USP7: variants seen among roughly 807,000 people sequenced by gnomAD.
USP7 encodes the protein ubiquitin specific peptidase 7, also known as ubiquitin C-terminal hydrolase 7.
A neutral mutation model predicts 162.9 loss-of-function variants in USP7; 9 were observed. The ratio of observed to expected loss-of-function variants is 0.06; its 90% CI spans 0.03 to 0.10. USP7 has a LOEUF of 0.10. Ranked by LOEUF, USP7 falls within the 10% of genes least tolerant of loss-of-function variation. USP7 has a pLI of 1.00. For missense variants in USP7, 715 were observed against 1,373.7 expected, an observed-to-expected ratio of 0.52 and a Z score of 7.58; for synonymous variants, 562 against 475.9, an observed-to-expected ratio of 1.18 and a Z score of -2.35.
At chr16:8,940,649 C>T (rs1454905937) in intron 1 of USP7, among the ~76,000 whole-genome samples, 3 of 152,146 alleles carry the variant, frequency 2.0e-5, no homozygotes, top group Non-Finnish European at 4.4e-5. Context: ...ACGGAGTTAC[C>T]ACACTCCCTA....
chr16:8,922,307 G>A (rs926388484), intron 3 of USP7, among the ~76,000 whole-genome samples: 3 of 152,190 alleles, frequency 2.0e-5, no homozygotes, highest in African/African-American at 7.2e-5. Flanking sequence ...TGGCCAACAT[G>A]GTGAAACCCC....
intron 10 of USP7, among the ~76,000 whole-genome samples, chr16:8,913,472 C>T (rs1876131964): frequency 1.3e-5 from 2 of 152,088 alleles, no homozygotes; most frequent in South Asian, 4.1e-4. Flanking sequence ...GACACTACAG[C>T]CCACTTCTCA....
intron 25 of USP7, among the ~76,000 whole-genome samples, chr16:8,897,747 A>ATATATATATAT (rs1491214554): frequency 1.7e-5 from 2 of 117,990 alleles, no homozygotes; most frequent in Non-Finnish European, 3.4e-5. Context: ...ATATATATAT[A>ATATATATATAT]AATGAGTTGG....
At chr16:8,898,257 G>C in intron 25 of USP7, 103 bp downstream of exon 25, 1 of 984,300 alleles carries the variant, frequency 1.0e-6, no homozygotes, top group Non-Finnish European at 1.5e-6. Context: ...CTGTTGTTTA[G>C]AGTGTTTTTC....
At chr16:8,904,276 A>G (rs939657769) in intron 15 of USP7, among the ~76,000 whole-genome samples, 159 bp downstream of exon 15, 8 of 152,192 alleles carry the variant, frequency 5.3e-5, no homozygotes, top group African/African-American at 1.9e-4. Flanking sequence ...AAGGGGTCCC[A>G]GAGGAGTGGG....
intron 8 of USP7, among the ~76,000 whole-genome samples, chr16:8,915,954 G>A (rs1042503853): frequency 2.6e-5 from 4 of 152,194 alleles, no homozygotes; most frequent in Admixed American, 2.0e-4. Flanking sequence ...CTGCAAAAAA[G>A]AAAACACACC....
chr16:8,953,247 G>A (rs963329254), intron 1 of USP7, among the ~76,000 whole-genome samples: 1 of 152,038 alleles, frequency 6.6e-6, no homozygotes, highest in South Asian at 2.1e-4. Flanking sequence ...CTGCTTTGCC[G>A]AAGCCCTCCC....
intron 30 of USP7, among the ~76,000 whole-genome samples, 153 bp downstream of exon 30, chr16:8,894,397 A>T (rs1380083458): frequency 6.6e-6 from 1 of 152,130 alleles, no homozygotes; most frequent in African/African-American, 2.4e-5. Context: ...AAGAACTCGT[A>T]GGTTATGGAA....
intron 4 of USP7, among the ~76,000 whole-genome samples, chr16:8,920,727 G>T (rs2141210618): frequency 6.6e-6 from 1 of 152,308 alleles, no homozygotes; most frequent in Middle Eastern, 3.4e-3. Context: ...CTAAGCAGGG[G>T]AGGGGCTGGA....
Position 8,896,137 on chromosome 16 carries a change from CTTTTT to C in USP7, c.2820-401_2820-397del, listed in dbSNP as rs60467243. Among the ~76,000 whole-genome samples, 3 of 126,138 alleles carry C rather than the reference CTTTTT, an allele frequency of 2.4e-5. No homozygotes were observed. In the East Asian group the frequency reaches 6.8e-4, roughly 29 times the overall value. The allele number at this position is 126,138 out of a possible 152,430, so 82.8% of individuals were successfully genotyped here. On this transcript the variant is annotated intron_variant, in intron 26 of 30. Transcript: ENST00000344836. ...TATAGGTGTGAGCCACCATGCCCAG[CTTTTT>C]TTTTTTTTTTTTTTTTTAAAGAGGA...
rs372119271 is a variant in USP7 at position 8,892,734 on chromosome 16, A to G, written c.*1264T>C. 6.6e-5 allele frequency: 10 copies of G among 152,264 alleles called. No homozygotes were observed. The East Asian group carries it at 1.7e-3, about 26-fold the overall frequency. 9.4% of individuals were successfully genotyped at this position (152,264 alleles called of 1,614,324 possible). A position where few individuals can be genotyped will look rare whatever the true frequency, so the allele number is the denominator to read the frequency against. On this transcript the variant is annotated 3_prime_UTR_variant, in exon 31 of 31. Transcript: ENST00000344836. ...GTTTCCCAGGCCTGTTTCCAGGGAG[A>G]GTAGAAATCTTCCTCCACTTCCACG...
Position 8,896,342 on chromosome 16 carries a change from G to A in USP7, c.2820-601C>T, listed in dbSNP as rs184332637. ...CTTTCCCACAAGGAATTCACATTCA[G>A]CTGATAGTGGCGTTTTCCTCGCTTA... On this transcript the variant is annotated intron_variant, in intron 26 of 30. Transcript: ENST00000344836. Among the ~76,000 whole-genome samples the A allele has an allele frequency of 8.5e-5, 13 of 152,260 alleles. No homozygotes were observed. The South Asian group carries it at 1.0e-3, about 12-fold the overall frequency.
At chr16:8,908,533 T>C (rs2061894809) in intron 11 of USP7, 83 bp from the exon 12 acceptor site, 11 of 1,193,622 alleles carry the variant, frequency 9.2e-6, no homozygotes, top group Non-Finnish European at 1.3e-5. Context: ...TTCAGCAAGA[T>C]TGGAACATGT....
At chr16:8,918,962 CT>C (rs1188245756) in intron 6 of USP7, 68 bp downstream of exon 6, 1 of 1,516,324 alleles carries the variant, frequency 6.6e-7, no homozygotes, top group Non-Finnish European at 9.1e-7. Flanking sequence ...GTTGAGAGGA[CT>C]TTGCTCTGAT....
At chr16:8,945,455 G>C (rs890704922) in intron 1 of USP7, among the ~76,000 whole-genome samples, 2 of 152,176 alleles carry the variant, frequency 1.3e-5, no homozygotes, top group African/African-American at 2.4e-5. Context: ...TGTTTTATTT[G>C]TTCATGGGTT....
intron 25 of USP7, among the ~76,000 whole-genome samples, chr16:8,897,720 AAAAAAAATAT>A (rs1197688248): frequency 4.4e-5 from 1 of 22,482 alleles, no homozygotes; most frequent in African/African-American, 1.5e-4. Context: ...AAAAAAAAAA[AAAAAAAATAT>A]ATATATATAT....
chr16:8,944,793 A>T (rs569908846), intron 1 of USP7, among the ~76,000 whole-genome samples: 1 of 152,336 alleles, frequency 6.6e-6, no homozygotes, highest in East Asian at 1.9e-4. Flanking sequence ...TTGAAAAACT[A>T]GCGTCAAAGG....
intron 11 of USP7, among the ~76,000 whole-genome samples, chr16:8,909,714 T>A (rs1596365483): frequency 6.6e-6 from 1 of 152,152 alleles, no homozygotes; most frequent in African/African-American, 2.4e-5. Context: ...GATCACAAGG[T>A]CAGGGGTTTG....
In USP7 at chr16:8,910,790, C is replaced by A. The variant is rs1567217225; in HGVS notation, c.1116G>T (p.Gln372His). 1 of 1,614,110 alleles carries A rather than the reference C, an allele frequency of 6.2e-7. No homozygotes were observed. The highest frequency in any genetic ancestry group is 1.7e-5 in the Admixed American group (1 of 60,014). ...CGTCGTATTTATTGTCCCCATCGAG[C>A]TGTTCTACTGCCACATAATCCACAA... Reference protein sequence around the residue: ...ESFVDYVAVEQLDGDNKYDAG... With the variant: ...ESFVDYVAVEHLDGDNKYDAG... Residue 372 changes from glutamine to histidine, a missense_variant, in exon 11 of 31, where the codon CAG (glutamine) becomes CAT (histidine). Transcript: ENST00000344836.
Sources: gnomAD v4.1 joint callset for allele counts (sites outside exome capture counted in the v4.1 genomes callset) on GRCh38, gnomAD v4.1.1 for gene constraint, MANE v1.5 for transcripts, NCBI Gene and HGNC (gene_info 2026-07-23, HGNC 2026-07-21) for gene names.